Variants in PCDHA11 observed in about 807,000 individuals in gnomAD.
PCDHA11 encodes the protein protocadherin alpha 11.
Under a neutral mutation model 70.3 loss-of-function variants are expected in PCDHA11, and 61 were observed. The ratio of observed to expected loss-of-function variants is 0.87; its 90% CI spans 0.71 to 1.07. PCDHA11 has a LOEUF of 1.07. Among genes scored for constraint, PCDHA11 ranks in the 50% least tolerant of loss-of-function variants. The pLI, the probability that PCDHA11 is intolerant of heterozygous loss-of-function variation, is 0.00. For synonymous variants in PCDHA11, 633 were observed against 555.1 expected (o/e 1.14, Z -1.97); for missense variants, 1,324 against 1,237.5 (o/e 1.07, Z -1.05).
At chr5:140,955,654 A>G (rs2095214723) in intron 1 of PCDHA11, among the ~76,000 whole-genome samples, 1 of 152,208 alleles carries the variant, frequency 6.6e-6, no homozygotes, top group South Asian at 2.1e-4. Flanking sequence ...TAATACACAT[A>G]TGAATTTTAA....
At chr5:140,918,560 G>A (rs1243205653) in intron 1 of PCDHA11, among the ~76,000 whole-genome samples, 1 of 152,180 alleles carries the variant, frequency 6.6e-6, no homozygotes, top group Non-Finnish European at 1.5e-5. Context: ...TGAGAAGAAT[G>A]TATATTATGC....
chr5:140,906,075 C>A (rs2153492820), intron 1 of PCDHA11, among the ~76,000 whole-genome samples: 1 of 152,246 alleles, frequency 6.6e-6, no homozygotes, highest in African/African-American at 2.4e-5. Context: ...TAGATCGCAC[C>A]CACCCAGACT....
intron 1 of PCDHA11, among the ~76,000 whole-genome samples, chr5:140,961,519 A>G (rs246002): frequency 0.56 from 85,694 of 152,068 alleles, 24,757 homozygotes; most frequent in African/African-American, 0.69. Flanking sequence ...ATGTCTCCAC[A>G]AATTCTAGAT....
At position 140,883,293 on chromosome 5, in the gene PCDHA11, A is replaced by G. The variant is rs1324977852; in HGVS notation, c.2391+11799A>G. On this transcript the variant is annotated intron_variant, in intron 1 of 3. Coordinates refer to ENST00000398640, the MANE Select transcript of PCDHA11 (RefSeq NM_018902.5). ...TGTACCCTTTTGGTGGAAGTACTAGATGTAAATGATAACGCCCCAGAGGTT... is the reference window on the plus strand; with the variant it reads ...TGTACCCTTTTGGTGGAAGTACTAGGTGTAAATGATAACGCCCCAGAGGTT... 2 of 1,614,102 alleles carry G rather than the reference A, an allele frequency of 1.2e-6. No homozygotes were observed. Among genetic ancestry groups the G allele is most frequent in the Non-Finnish European group, 1.7e-6 (2 of 1,180,026 alleles).
Position 140,869,926 on chromosome 5 carries a change from G to T in PCDHA11, c.823G>T (p.Gly275Ter). 1 of 1,611,516 alleles carries T rather than the reference G, an allele frequency of 6.2e-7. No homozygotes were observed. Among genetic ancestry groups the T allele is most frequent in the Non-Finnish European group, 8.5e-7 (1 of 1,178,696 alleles). ...NATDRDEGVN[G>*]EVTYSLMSIK... Reference sequence around the variant, plus strand: ...CACAGACCGAGACGAAGGAGTCAATGGAGAGGTAACATACTCCTTAATGTC... The same window carrying T: ...CACAGACCGAGACGAAGGAGTCAATTGAGAGGTAACATACTCCTTAATGTC... Residue 275 changes from glycine (G) to a stop codon, truncating the protein, a stop_gained, in exon 1 of 4, where the codon GGA (glycine) becomes TGA (stop). Coordinates refer to ENST00000398640, the MANE Select transcript of PCDHA11 (RefSeq NM_018902.5). LOFTEE classifies it high-confidence loss of function.
At chr5:140,993,538 A>T (rs1175611433) in intron 3 of PCDHA11, among the ~76,000 whole-genome samples, 1 of 151,668 alleles carries the variant, frequency 6.6e-6, no homozygotes, top group Non-Finnish European at 1.5e-5. Context: ...AGAGAGAGAG[A>T]TAGAGAAGTG....
intron 1 of PCDHA11, chr5:140,966,833 C>G: frequency 2.6e-6 from 4 of 1,563,480 alleles, no homozygotes; most frequent in Non-Finnish European, 3.5e-6. Flanking sequence ...CATGCCCTGG[C>G]TGCTGCTACT....
chr5:140,961,438 A>G (rs888082906), intron 1 of PCDHA11, among the ~76,000 whole-genome samples: 2 of 152,194 alleles, frequency 1.3e-5, no homozygotes, highest in South Asian at 4.1e-4. Context: ...AAAATCACCT[A>G]ACTACACTGT....
chr5:140,971,067 G>A (rs1270982335), intron 1 of PCDHA11, among the ~76,000 whole-genome samples: 1 of 152,204 alleles, frequency 6.6e-6, no homozygotes, highest in Non-Finnish European at 1.5e-5. Flanking sequence ...TAAGGTTGCT[G>A]TAGACATTTG....
chr5:140,938,957 C>T (rs1435245997), intron 1 of PCDHA11, among the ~76,000 whole-genome samples: 2 of 152,040 alleles, frequency 1.3e-5, no homozygotes, highest in African/African-American at 2.4e-5. Context: ...ATGCTCTAGT[C>T]GGAGTTTGGC....
At chr5:140,949,963 A>G (rs1044562957) in intron 1 of PCDHA11, among the ~76,000 whole-genome samples, 1 of 151,750 alleles carries the variant, frequency 6.6e-6, no homozygotes, top group African/African-American at 2.4e-5. Context: ...TGCTGTAAGG[A>G]TTACAGCATA....
chr5:140,923,551 T>C (rs1398661049), intron 1 of PCDHA11, among the ~76,000 whole-genome samples: 1 of 152,146 alleles, frequency 6.6e-6, no homozygotes, highest in Non-Finnish European at 1.5e-5. Flanking sequence ...AAATGAAATA[T>C]CAGCAATGAA....
intron 1 of PCDHA11, among the ~76,000 whole-genome samples, chr5:140,974,548 G>A (rs2096631054): frequency 6.6e-6 from 1 of 152,068 alleles, no homozygotes; most frequent in South Asian, 2.1e-4. Context: ...TTTTGCTCTT[G>A]TTGCCCAGGC....
At chr5:141,007,402 A>G in intron 3 of PCDHA11, among the ~76,000 whole-genome samples, 2 of 149,740 alleles carry the variant, frequency 1.3e-5, no homozygotes. Context: ...ATACAAAAAA[A>G]AAAAAAAAAA....
intron 1 of PCDHA11, among the ~76,000 whole-genome samples, chr5:140,892,327 C>T (rs1399330185): frequency 6.6e-6 from 1 of 152,154 alleles, no homozygotes; most frequent in Non-Finnish European, 1.5e-5. Flanking sequence ...TTTCTTTCTC[C>T]AGAATGGATT....
intron 1 of PCDHA11, chr5:140,883,833 C>G: frequency 6.2e-7 from 1 of 1,612,590 alleles, no homozygotes; most frequent in Non-Finnish European, 8.5e-7. Flanking sequence ...GCGCTGCAGC[C>G]GTTGGACCAC....
intron 1 of PCDHA11, among the ~76,000 whole-genome samples, chr5:140,962,829 C>CT (rs1342441888): frequency 6.6e-6 from 1 of 152,190 alleles, no homozygotes; most frequent in East Asian, 1.9e-4. Flanking sequence ...CCATTTGTCT[C>CT]TTTTTTATTA....
At position 141,010,191 on chromosome 5, in the gene PCDHA11, C is replaced by T; in HGVS notation, c.*254C>T. 1 of 1,552,476 alleles carries T rather than the reference C, an allele frequency of 6.4e-7. No homozygotes were observed. The highest frequency in any genetic ancestry group is 1.4e-5 in the African/African-American group (1 of 73,166). ...AACCTAAAAAGCAGACCCAAGTTTCCTTTCTCCTCCGCCGCAAAGGAGAGG... is the reference window on the plus strand; with the variant it reads ...AACCTAAAAAGCAGACCCAAGTTTCTTTTCTCCTCCGCCGCAAAGGAGAGG... On this transcript the variant is annotated 3_prime_UTR_variant, in exon 4 of 4. Transcript: ENST00000398640.
At chr5:140,976,992 A>G (rs1421149242) in intron 1 of PCDHA11, among the ~76,000 whole-genome samples, 3 of 152,200 alleles carry the variant, frequency 2.0e-5, no homozygotes, top group Admixed American at 2.0e-4. Context: ...TTACTGCCAT[A>G]AGAAATCTTG....
Sources: allele counts gnomAD v4.1 joint callset (sites outside exome capture counted in the v4.1 genomes callset), GRCh38; gene constraint gnomAD v4.1.1; transcripts MANE v1.5; gene names NCBI Gene and HGNC (gene_info 2026-07-23, HGNC 2026-07-21).